NR5A2: variants seen among roughly 807,000 people sequenced by gnomAD.
The protein encoded by NR5A2 is nuclear receptor subfamily 5 group A member 2, also known as CYP7A promoter-binding factor.
Under a neutral mutation model 62.7 loss-of-function variants are expected in NR5A2, and 26 were observed. The ratio of observed to expected loss-of-function variants is 0.41; its 90% CI spans 0.30 to 0.58. NR5A2 has a LOEUF of 0.58. Ranked by LOEUF, NR5A2 falls within the 20% of genes least tolerant of loss-of-function variation. NR5A2 has a pLI of 0.22. For missense variants in NR5A2, 541 were observed against 669.1 expected, an observed-to-expected ratio of 0.81 and a Z score of 2.11; for synonymous variants, 246 against 241.7, an observed-to-expected ratio of 1.02 and a Z score of -0.16.
chr1:200,082,614 G>A (rs914495751), intron 5 of NR5A2, among the ~76,000 whole-genome samples: 1 of 152,168 alleles, frequency 6.6e-6, no homozygotes, highest in African/African-American at 2.4e-5. Context: ...TATTTGGAAT[G>A]AGTCTTAGTA....
chr1:200,123,806 G>T (rs1329597626), intron 7 of NR5A2, among the ~76,000 whole-genome samples: 28 of 135,838 alleles, frequency 2.1e-4, no homozygotes, highest in African/African-American at 5.4e-4. Flanking sequence ...TTTAGAGGTG[G>T]TTTTTTTTTT....
At chr1:200,059,414 C>T (rs1663083628) in intron 5 of NR5A2, among the ~76,000 whole-genome samples, 3 of 152,170 alleles carry the variant, frequency 2.0e-5, no homozygotes, top group African/African-American at 7.2e-5. Context: ...GCTTGTCTGC[C>T]TAGAAGTAGC....
chr1:200,151,884 C>T lies in NR5A2; in HGVS notation c.1379-22079C>T, dbSNP rs1045102919. 2.0e-5 allele frequency among the ~76,000 whole-genome samples: 3 copies of T among 152,190 alleles called. 1 individual carries two copies. The highest frequency in any genetic ancestry group is 1.3e-4 in the Admixed American group (2 of 15,286). On this transcript the variant is annotated intron_variant, in intron 7 of 7. Transcript: ENST00000367362. ...TGCTGCAATAGTCATGCGCTCAACA[C>T]CCAGCCAAGCAATGAGGACCCTAAG... is the stretch of plus-strand genomic sequence containing the variant.
chr1:200,165,390 C>T (rs1465927372), intron 7 of NR5A2, among the ~76,000 whole-genome samples: 1 of 152,152 alleles, frequency 6.6e-6, no homozygotes, highest in African/African-American at 2.4e-5. Context: ...AGGTAGGGCT[C>T]GCTGTTGATG....
At chr1:200,058,882 G>T (rs556118032) in intron 5 of NR5A2, among the ~76,000 whole-genome samples, 1 of 150,506 alleles carries the variant, frequency 6.6e-6, no homozygotes, top group East Asian at 2.0e-4. Context: ...GGCCGAGGTG[G>T]GAGGATCACC....
At position 200,049,153 on chromosome 1, in the gene NR5A2, C is replaced by T. The variant is rs956285791; in HGVS notation, c.1110+335C>T. ...AACATTTCAAGTCAATGTGAAATAG[C>T]GCCTAGTAAACTATTTTTCTTGAAA... On this transcript the variant is annotated intron_variant, in intron 5 of 7. Transcript: ENST00000367362. Among the ~76,000 whole-genome samples the T allele has an allele frequency of 4.6e-5, 7 of 152,100 alleles. No homozygotes were observed. The East Asian group carries it at 7.7e-4, about 17-fold the overall frequency.
At chr1:200,082,898 A>G (rs1664359607) in intron 5 of NR5A2, among the ~76,000 whole-genome samples, 1 of 152,128 alleles carries the variant, frequency 6.6e-6, no homozygotes, top group African/African-American at 2.4e-5. Flanking sequence ...AAAAGCATTT[A>G]ATTTTTTTTC....
intron 3 of NR5A2, 72 bp from the exon 4 acceptor site, chr1:200,045,371 T>C (rs1489561933): frequency 2.9e-6 from 4 of 1,379,974 alleles, no homozygotes; most frequent in Non-Finnish European, 3.9e-6. Context: ...CTGGTGATTT[T>C]CTTAAAATGA....
rs753878045 is a variant in NR5A2, at chr1:200,048,963, C to A, written c.1110+145C>A. ...TTACAGAGTAGACGTAATTTTATTA[C>A]CTTGACTTCAGGACTGTGGCAGCTT... is the stretch of plus-strand genomic sequence containing the variant. On this transcript the variant is annotated intron_variant, in intron 5 of 7. Coordinates refer to ENST00000367362, the MANE Select transcript of NR5A2 (RefSeq NM_205860.3). The surrounding 1 kb of genome is among the most constrained non-coding windows in gnomAD (Gnocchi z 4.8). 352 of 1,067,368 alleles carry A rather than the reference C, an allele frequency of 3.3e-4. No homozygotes were observed. Among genetic ancestry groups the A allele is most frequent in the Non-Finnish European group, 4.2e-4 (312 of 750,096 alleles). 66.1% of individuals were successfully genotyped at this position (1,067,368 alleles called of 1,614,324 possible). A position where few individuals can be genotyped will look rare whatever the true frequency, so the allele number is the denominator to read the frequency against.
intron 7 of NR5A2, among the ~76,000 whole-genome samples, chr1:200,151,027 A>G (rs1261079107): frequency 6.6e-6 from 1 of 152,206 alleles, no homozygotes; most frequent in East Asian, 1.9e-4. Context: ...TGCTGTTCTC[A>G]GAAATGACCT....
intron 7 of NR5A2, among the ~76,000 whole-genome samples, chr1:200,134,561 G>C (rs1667131503): frequency 6.6e-6 from 1 of 152,138 alleles, no homozygotes; most frequent in African/African-American, 2.4e-5. Flanking sequence ...TACACTCTAT[G>C]ATGATCGCGC....
intron 7 of NR5A2, among the ~76,000 whole-genome samples, chr1:200,166,810 C>G (rs1653925210): frequency 2.0e-5 from 3 of 152,172 alleles, no homozygotes; most frequent in Admixed American, 2.0e-4. Context: ...TGTTTTTCCA[C>G]TGGGAAAATG....
At chr1:200,042,095 G>C (rs532285962) in intron 2 of NR5A2, among the ~76,000 whole-genome samples, 1 of 152,322 alleles carries the variant, frequency 6.6e-6, no homozygotes, top group South Asian at 2.1e-4. Flanking sequence ...TAAAACCCTA[G>C]TGGGGGTCTC....
chr1:200,130,263 T>C (rs890993933), intron 7 of NR5A2, among the ~76,000 whole-genome samples: 1 of 131,910 alleles, frequency 7.6e-6, no homozygotes, highest in Admixed American at 8.1e-5. Context: ...GAGATCTGCT[T>C]GCAGGAACTA....
At chr1:200,092,151 T>C (rs1347492496) in intron 5 of NR5A2, among the ~76,000 whole-genome samples, 1 of 152,246 alleles carries the variant, frequency 6.6e-6, no homozygotes, top group Non-Finnish European at 1.5e-5. Context: ...CATAGACACA[T>C]ATTCAACACC....
intron 7 of NR5A2, among the ~76,000 whole-genome samples, chr1:200,141,648 A>G (rs544211911): frequency 1.3e-5 from 2 of 152,350 alleles, no homozygotes; most frequent in South Asian, 4.1e-4. Context: ...TTGTTGGGTC[A>G]TATGGGAAAC....
At chr1:200,092,535 T>C (rs1004671211) in intron 5 of NR5A2, among the ~76,000 whole-genome samples, 8 of 152,236 alleles carry the variant, frequency 5.3e-5, no homozygotes, top group African/African-American at 1.7e-4. Context: ...CTTCCCTCCG[T>C]GAACTGGTTA....
At chr1:200,161,015 G>T (rs563168200) in intron 7 of NR5A2, among the ~76,000 whole-genome samples, 1 of 151,996 alleles carries the variant, frequency 6.6e-6, no homozygotes, top group South Asian at 2.1e-4. Context: ...GGTTTTCTCT[G>T]AGGGAGGGCT....
chr1:200,140,499 C>G (rs1173640871), intron 7 of NR5A2, among the ~76,000 whole-genome samples: 1 of 152,136 alleles, frequency 6.6e-6, no homozygotes, highest in Non-Finnish European at 1.5e-5. Flanking sequence ...TTCTCCTGTT[C>G]AGTTGATTTA....
Sources: allele counts gnomAD v4.1 joint callset (sites outside exome capture counted in the v4.1 genomes callset), GRCh38; gene constraint gnomAD v4.1.1; non-coding constraint Gnocchi (gnomAD v3.1); transcripts MANE v1.5; gene names NCBI Gene and HGNC (gene_info 2026-07-23, HGNC 2026-07-21).